Variants in SMG6 observed in about 807,000 individuals in gnomAD.
SMG6 encodes the protein telomerase-binding protein EST1A.
Under a neutral mutation model 142.2 loss-of-function variants are expected in SMG6, and 66 were observed. The ratio of observed to expected loss-of-function variants is 0.46; its 90% CI spans 0.38 to 0.57. The LOEUF (loss-of-function observed/expected upper bound fraction) is 0.57. Among genes scored for constraint, SMG6 ranks in the 20% least tolerant of loss-of-function variants. The pLI is 0.00. For synonymous variants in SMG6, 779 were observed against 702.4 expected (o/e 1.11, Z -1.72); for missense variants, 1,793 against 1,832.0 (o/e 0.98, Z 0.39).
chr17:2,220,905 A>T (rs1027372867), intron 10 of SMG6, among the ~76,000 whole-genome samples: 3 of 152,208 alleles, frequency 2.0e-5, no homozygotes, highest in Non-Finnish European at 2.9e-5. Context: ...TAGTACTTTC[A>T]ATGAAACCCA....
At position 2,138,905 on chromosome 17, in the gene SMG6, G is replaced by A. The variant is rs538895542; in HGVS notation, c.3357+33753C>T. ...AATTTCATTCCCCATTTGAAGTGGAGGCTTGGGTCATGCATGGTTTATTTG... is the reference window on the plus strand; with the variant it reads ...AATTTCATTCCCCATTTGAAGTGGAAGCTTGGGTCATGCATGGTTTATTTG... On this transcript the variant is annotated intron_variant, in intron 13 of 18. Coordinates refer to ENST00000263073, the MANE Select transcript of SMG6 (RefSeq NM_017575.5). 2.6e-5 allele frequency among the ~76,000 whole-genome samples: 4 copies of A among 152,296 alleles called. No homozygotes were observed. In the South Asian group the frequency reaches 8.3e-4, roughly 32 times the overall value.
At chr17:2,254,078 A>G (rs1281882719) in intron 8 of SMG6, among the ~76,000 whole-genome samples, 3 of 152,202 alleles carry the variant, frequency 2.0e-5, no homozygotes, top group Non-Finnish European at 4.4e-5. Flanking sequence ...ACACAGAAAA[A>G]GAGAAAGAAA....
intron 13 of SMG6, among the ~76,000 whole-genome samples, chr17:2,141,726 A>G (rs2070486598): frequency 6.6e-6 from 1 of 152,176 alleles, no homozygotes; most frequent in South Asian, 2.1e-4. Context: ...GACAGGCACA[A>G]GCCACCTCAC....
Position 2,299,265 on chromosome 17 carries a change from T to C in SMG6, c.1488A>G (p.Ala496=). ...CAGAGTTTTGAAACTTATAGTAAGA[T>C]GCCTGAGCCTGGCGTGAGTCACCCC... ...TSWGDSRQAQ[A]SYYKFQNSDN... The change falls in exon 2 of 19, where the codon GCA becomes GCG. Residue 496 remains alanine, a synonymous_variant. Transcript: ENST00000263073. The surrounding 1 kb of genome is among the most constrained non-coding windows in gnomAD (Gnocchi z 4.3). 6 of 1,614,078 alleles carry C rather than the reference T, an allele frequency of 3.7e-6. No homozygotes were observed. The highest frequency in any genetic ancestry group is 5.1e-6 in the Non-Finnish European group (6 of 1,180,016).
chr17:2,298,825 T>G, intron 2 of SMG6, 81 bp downstream of exon 2: 2 of 1,391,926 alleles, frequency 1.4e-6, no homozygotes, highest in Non-Finnish European at 1.9e-6. Flanking sequence ...GCTAAAAAGT[T>G]TCTACCTTCC....
intron 13 of SMG6, among the ~76,000 whole-genome samples, chr17:2,123,328 G>T (rs1446780366): frequency 1.3e-5 from 2 of 152,186 alleles, no homozygotes; most frequent in Non-Finnish European, 2.9e-5. Flanking sequence ...CACTTCTGGA[G>T]ACTCCAAACG....
intron 8 of SMG6, among the ~76,000 whole-genome samples, chr17:2,273,524 A>G (rs1567737079): frequency 2.0e-5 from 3 of 152,114 alleles, no homozygotes; most frequent in African/African-American, 7.2e-5. Flanking sequence ...TCCCAGCTAC[A>G]CGGGAGGCTG....
At chr17:2,296,034 T>G (rs1397673964) in intron 4 of SMG6, among the ~76,000 whole-genome samples, 6 of 152,210 alleles carry the variant, frequency 3.9e-5, no homozygotes, top group African/African-American at 1.4e-4. Context: ...ATCTCCACTC[T>G]TGCCCAGCTC....
intron 10 of SMG6, among the ~76,000 whole-genome samples, chr17:2,208,985 G>A (rs905115727): frequency 2.0e-5 from 3 of 152,108 alleles, no homozygotes; most frequent in Admixed American, 6.5e-5. Flanking sequence ...TTCAAGACCA[G>A]CCTGGGCAAC....
intron 13 of SMG6, among the ~76,000 whole-genome samples, chr17:2,110,517 T>C (rs557431010): frequency 1.9e-4 from 29 of 152,290 alleles, no homozygotes; most frequent in African/African-American, 6.7e-4. Flanking sequence ...TCAACATCAT[T>C]TGTGAAGCAC....
intron 12 of SMG6, among the ~76,000 whole-genome samples, chr17:2,179,454 G>A (rs541478647): frequency 2.0e-5 from 3 of 152,092 alleles, no homozygotes; most frequent in Non-Finnish European, 2.9e-5. Flanking sequence ...TACTGCATAC[G>A]CCCTACGTAT....
At chr17:2,238,146 T>A (rs2151810197) in intron 9 of SMG6, among the ~76,000 whole-genome samples, 1 of 152,326 alleles carries the variant, frequency 6.6e-6, no homozygotes, top group East Asian at 1.9e-4. Context: ...ATCTTGGCAA[T>A]CTTCACTCCT....
At chr17:2,229,483 C>A (rs1268245286) in intron 10 of SMG6, 3 of 152,210 alleles carry the variant, frequency 2.0e-5, no homozygotes, top group Non-Finnish European at 4.4e-5. Context: ...CACTTGACAC[C>A]TGTGTATAAT....
At chr17:2,158,356 A>C (rs1334321388) in intron 13 of SMG6, among the ~76,000 whole-genome samples, 1 of 150,498 alleles carries the variant, frequency 6.6e-6, no homozygotes, top group African/African-American at 2.4e-5. Context: ...GCCAAAAAAG[A>C]AAAAAAAAAG....
At chr17:2,229,876 G>A (rs2073420338) in intron 10 of SMG6, among the ~76,000 whole-genome samples, 1 of 152,066 alleles carries the variant, frequency 6.6e-6, no homozygotes, top group South Asian at 2.1e-4. Flanking sequence ...TTAGAGCTCT[G>A]AAAAGGTAGC....
At chr17:2,127,281 G>C (rs553734385) in intron 13 of SMG6, 1 of 396,020 alleles carries the variant, frequency 2.5e-6, no homozygotes, top group African/African-American at 2.1e-5. Context: ...TGGTTACGGC[G>C]TTTGGAATGA....
chr17:2,066,907 C>A (rs4790870), intron 16 of SMG6, among the ~76,000 whole-genome samples: 95,414 of 152,102 alleles, frequency 0.63, 30,428 homozygotes, highest in African/African-American at 0.68. Context: ...GGCTTCTCCA[C>A]GCTGGGGTCA....
At chr17:2,139,881 A>G (rs1471310475) in intron 13 of SMG6, among the ~76,000 whole-genome samples, 1 of 151,678 alleles carries the variant, frequency 6.6e-6, no homozygotes, top group Non-Finnish European at 1.5e-5. Flanking sequence ...GCATGCCACC[A>G]TACCCGGCTA....
At chr17:2,268,626 A>C (rs748295235) in intron 8 of SMG6, among the ~76,000 whole-genome samples, 28 of 152,182 alleles carry the variant, frequency 1.8e-4, no homozygotes, top group Non-Finnish European at 2.4e-4. Context: ...AAATACAAAA[A>C]TTAGGCCGGG....
Sources: allele counts gnomAD v4.1 joint callset (sites outside exome capture counted in the v4.1 genomes callset), GRCh38; gene constraint gnomAD v4.1.1; non-coding constraint Gnocchi (gnomAD v3.1); transcripts MANE v1.5; gene names NCBI Gene and HGNC (gene_info 2026-07-23, HGNC 2026-07-21).